Variants in PRKN observed in about 807,000 individuals in gnomAD.
The protein encoded by PRKN is E3 ubiquitin-protein ligase parkin.
In PRKN, 56 loss-of-function variants were observed where a neutral mutation model predicts 59.5. The observed-to-expected ratio is 0.94, with a 90% CI of 0.76 to 1.18. The LOEUF (loss-of-function observed/expected upper bound fraction) is 1.18. Among genes scored for constraint, PRKN ranks in the 50% most tolerant of loss-of-function variants. The pLI is 0.00. For missense variants in PRKN, 657 were observed against 596.4 expected (o/e 1.10, Z -1.06); for synonymous variants, 250 against 222.1 (o/e 1.13, Z -1.12).
chr6:161,426,644 T>TACACACACACACACACACACAC (rs546537464), intron 9 of PRKN, among the ~76,000 whole-genome samples: 1 of 31,024 alleles, frequency 3.2e-5, no homozygotes, highest in Non-Finnish European at 6.0e-5. Context: ...AACTCCCCTT[T>TACACACACACACACACACACAC]ACACACACAC....
chr6:162,670,579 G>A (rs772081759), intron 1 of PRKN, among the ~76,000 whole-genome samples: 3 of 152,158 alleles, frequency 2.0e-5, no homozygotes, highest in Non-Finnish European at 4.4e-5. Context: ...AAATACTTCA[G>A]CAAAGCCACA....
intron 1 of PRKN, among the ~76,000 whole-genome samples, chr6:162,629,405 T>C (rs1403153359): frequency 1.3e-5 from 2 of 152,136 alleles, no homozygotes; most frequent in African/African-American, 4.8e-5. Flanking sequence ...AACTGTAGCA[T>C]GTTTTCCCCA....
intron 6 of PRKN, among the ~76,000 whole-genome samples, chr6:161,830,820 T>C (rs1792467467): frequency 6.6e-6 from 1 of 152,184 alleles, no homozygotes; most frequent in South Asian, 2.1e-4. Context: ...ACAAACTCCT[T>C]AGCATGGGAT....
At chr6:162,564,304 C>T (rs369911026) in intron 1 of PRKN, among the ~76,000 whole-genome samples, 3 of 151,656 alleles carry the variant, frequency 2.0e-5, no homozygotes, top group Admixed American at 6.6e-5. Flanking sequence ...GAGATAACAC[C>T]ACTGCACTCC....
rs187189032 is a variant in PRKN at position 161,856,097 on chromosome 6, C to T, written c.735-70189G>A. Among the ~76,000 whole-genome samples the T allele has an allele frequency of 4.1e-3, 623 of 152,266 alleles. 3 individuals carry two copies. The highest frequency in any genetic ancestry group is 0.014 in the African/African-American group (580 of 41,546). Reference sequence around the variant, plus strand: ...AAGATCTGCTAGGTGCGGTGGCTCACGCCTGTAAACCCAGCACTTTGGGAG... The same window carrying T: ...AAGATCTGCTAGGTGCGGTGGCTCATGCCTGTAAACCCAGCACTTTGGGAG... On this transcript the variant is annotated intron_variant, in intron 6 of 11. Coordinates refer to ENST00000366898, the MANE Select transcript of PRKN (RefSeq NM_004562.3).
At chr6:162,480,144 G>A (rs113254284) in intron 1 of PRKN, among the ~76,000 whole-genome samples, 5 of 151,866 alleles carry the variant, frequency 3.3e-5, no homozygotes, top group African/African-American at 7.3e-5. Flanking sequence ...TTCTAATCAC[G>A]TACTATACAT....
intron 9 of PRKN, among the ~76,000 whole-genome samples, chr6:161,520,545 T>C (rs1778783099): frequency 6.6e-6 from 1 of 152,048 alleles, no homozygotes; most frequent in Non-Finnish European, 1.5e-5. Flanking sequence ...AATTCTTTAT[T>C]TTGAAATATT....
intron 7 of PRKN, among the ~76,000 whole-genome samples, chr6:161,760,623 C>A (rs189060726): frequency 2.0e-5 from 3 of 152,152 alleles, no homozygotes; most frequent in African/African-American, 7.2e-5. Flanking sequence ...TTCCTTTTCA[C>A]CTAATAAAAC....
chr6:162,672,818 T>C (rs1383054263), intron 1 of PRKN, among the ~76,000 whole-genome samples: 1 of 152,068 alleles, frequency 6.6e-6, no homozygotes, highest in Non-Finnish European at 1.5e-5. Flanking sequence ...CTTTCTGATT[T>C]TAAAACAATC....
At chr6:161,729,009 C>T (rs893590487) in intron 7 of PRKN, among the ~76,000 whole-genome samples, 3 of 152,126 alleles carry the variant, frequency 2.0e-5, no homozygotes, top group Admixed American at 2.0e-4. Context: ...ACATCTAAAG[C>T]CTCTGAAATA....
chr6:161,701,401 T>TA (rs1355099888), intron 7 of PRKN, among the ~76,000 whole-genome samples: 1 of 152,196 alleles, frequency 6.6e-6, no homozygotes, highest in Non-Finnish European at 1.5e-5. Context: ...TTGGAATAAG[T>TA]AAAACAATAA....
chr6:161,802,067 G>T (rs959155999), intron 6 of PRKN, among the ~76,000 whole-genome samples: 60 of 152,128 alleles, frequency 3.9e-4, no homozygotes, highest in African/African-American at 1.4e-3. Flanking sequence ...TGCAAGAATG[G>T]AGAGGAGTAG....
chr6:162,469,887 A>T (rs995409851), intron 1 of PRKN, among the ~76,000 whole-genome samples: 2 of 152,196 alleles, frequency 1.3e-5, no homozygotes, highest in African/African-American at 4.8e-5. Context: ...GGAAATAAAA[A>T]ATTTAAAAAA....
intron 6 of PRKN, among the ~76,000 whole-genome samples, chr6:161,959,088 G>A (rs551209500): frequency 2.0e-5 from 3 of 152,236 alleles, no homozygotes; most frequent in South Asian, 4.2e-4. Flanking sequence ...AATACACACT[G>A]TACACTTTCT....
chr6:162,304,729 T>C lies in PRKN; in HGVS notation c.172-41964A>G, dbSNP rs931034887. ...AGGGTACCAGATAAACAAAAATTAC[T>C]AAATAGCTAAGAGCAACTGTCTCAA... On this transcript the variant is annotated intron_variant, in intron 2 of 11. Coordinates refer to ENST00000366898, the MANE Select transcript of PRKN (RefSeq NM_004562.3). Among the ~76,000 whole-genome samples the C allele has an allele frequency of 9.9e-5, 15 of 150,838 alleles. 1 individual carries two copies. Among genetic ancestry groups the C allele is most frequent in the Non-Finnish European group, 1.5e-4 (10 of 67,630 alleles).
intron 3 of PRKN, among the ~76,000 whole-genome samples, chr6:162,203,334 C>A (rs1296522148): frequency 2.0e-5 from 3 of 152,090 alleles, no homozygotes; most frequent in Admixed American, 6.6e-5. Flanking sequence ...ATTACACACA[C>A]TGCTTTCCAG....
chr6:161,912,194 G>T (rs760140743), intron 6 of PRKN, among the ~76,000 whole-genome samples: 28 of 147,072 alleles, frequency 1.9e-4, no homozygotes, highest in Non-Finnish European at 3.4e-4. Flanking sequence ...AAAAAAAAAA[G>T]TTGGATGATG....
Position 161,428,634 on chromosome 6 carries a change from T to C in PRKN, c.1084-41757A>G, listed in dbSNP as rs1261457236. On this transcript the variant is annotated intron_variant, in intron 9 of 11. Transcript: ENST00000366898. The surrounding 1 kb of genome is among the most constrained non-coding windows in gnomAD (Gnocchi z 4.0). ...GTTTTTCCACACATCTGAAGGGCGA[T>C]TCTTTGTCAACTGCTACTGTCTTGC... 6.6e-6 allele frequency among the ~76,000 whole-genome samples: 1 copy of C among 152,212 alleles called. No homozygotes were observed. The highest frequency in any genetic ancestry group is 6.5e-5 in the Admixed American group (1 of 15,270).
chr6:161,977,733 G>A (rs1296556985), intron 5 of PRKN, among the ~76,000 whole-genome samples: 4 of 151,544 alleles, frequency 2.6e-5, no homozygotes, highest in Non-Finnish European at 5.9e-5. Context: ...ATTTTTAGTA[G>A]AGACGGGGTT....
Sources: gnomAD v4.1 joint callset for allele counts (sites outside exome capture counted in the v4.1 genomes callset) on GRCh38, gnomAD v4.1.1 for gene constraint, Gnocchi (gnomAD v3.1) non-coding constraint, MANE v1.5 for transcripts, NCBI Gene and HGNC (gene_info 2026-07-23, HGNC 2026-07-21) for gene names.